The following MAD1L1 variants were observed in gnomAD, a reference collection of about 807,000 sequenced individuals.
MAD1L1 encodes mitotic arrest deficient 1 like 1, also known as mitotic spindle assembly checkpoint protein MAD1.
MAD1L1 carries 95 observed loss-of-function variants against 96.9 expected under a neutral mutation model. The observed-to-expected ratio is 0.98, with a 90% CI of 0.83 to 1.16. The LOEUF (loss-of-function observed/expected upper bound fraction) is 1.16, where lower values mean the gene tolerates loss of function less well. Ranked by LOEUF, MAD1L1 falls within the 50% of genes most tolerant of loss-of-function variation. The probability of loss-of-function intolerance (pLI) is 0.00; values close to 1 mark genes in which losing one functional copy is unlikely to be tolerated. For synonymous variants in MAD1L1, 473 were observed against 396.6 expected (o/e 1.19, Z -2.29); for missense variants, 1,007 against 954.4 (o/e 1.06, Z -0.73).
intron 10 of MAD1L1, among the ~76,000 whole-genome samples, chr7:2,182,742 C>G (rs1046280845): frequency 6.6e-6 from 1 of 152,172 alleles, no homozygotes; most frequent in African/African-American, 2.4e-5. Context: ...TGATACACAA[C>G]GTCCAGAACA....
chr7:2,051,965 T>C (rs559224094), intron 12 of MAD1L1, among the ~76,000 whole-genome samples: 1 of 152,148 alleles, frequency 6.6e-6, no homozygotes, highest in East Asian at 1.9e-4. Flanking sequence ...GCAAGCGTCC[T>C]CTGGGAAGCG....
At chr7:1,946,977 G>T (rs1013167772) in intron 16 of MAD1L1, among the ~76,000 whole-genome samples, 2 of 152,234 alleles carry the variant, frequency 1.3e-5, no homozygotes, top group Admixed American at 6.5e-5. Context: ...GCTGGCGTTG[G>T]CTCCATCTCT....
chr7:2,205,100 T>TTTTTTTTTTC, intron 10 of MAD1L1, among the ~76,000 whole-genome samples: 1 of 145,594 alleles, frequency 6.9e-6, no homozygotes, highest in Non-Finnish European at 1.5e-5. Context: ...TTTTTTTTTT[T>TTTTTTTTTTC]TTTTTTTGCT....
At chr7:1,882,931 C>T (rs1785777928) in intron 18 of MAD1L1, among the ~76,000 whole-genome samples, 1 of 143,518 alleles carries the variant, frequency 7.0e-6, no homozygotes, top group Non-Finnish European at 1.5e-5. Flanking sequence ...CAGGAACCAG[C>T]TCTTTAACAC....
At chr7:2,220,316 AACCCGC>A (rs1793530979) in intron 5 of MAD1L1, among the ~76,000 whole-genome samples, 1 of 152,174 alleles carries the variant, frequency 6.6e-6, no homozygotes, top group African/African-American at 2.4e-5. Flanking sequence ...GACATCATGG[AACCCGC>A]ACGCGACAGA....
intron 15 of MAD1L1, among the ~76,000 whole-genome samples, chr7:1,974,317 C>T (rs1021840810): frequency 5.9e-5 from 9 of 152,224 alleles, no homozygotes; most frequent in African/African-American, 2.2e-4. Context: ...CTGGGACCAC[C>T]AAACGCTTAA....
At chr7:2,077,146 G>A (rs913779621) in intron 11 of MAD1L1, among the ~76,000 whole-genome samples, 73 of 152,146 alleles carry the variant, frequency 4.8e-4, no homozygotes, top group Non-Finnish European at 6.0e-4. Flanking sequence ...CTCGCAGCAC[G>A]GTGAGCCTGC....
chr7:2,012,109 G>A (rs990060000), intron 13 of MAD1L1, among the ~76,000 whole-genome samples: 7 of 152,226 alleles, frequency 4.6e-5, no homozygotes, highest in Admixed American at 2.0e-4. Flanking sequence ...GGCAAGGTCC[G>A]CAACATACAT....
chr7:2,164,685 G>A (rs1735102448), intron 10 of MAD1L1, among the ~76,000 whole-genome samples: 1 of 152,048 alleles, frequency 6.6e-6, no homozygotes, highest in African/African-American at 2.4e-5. Context: ...TATGGTGGTA[G>A]GGCACACCTG....
chr7:2,207,250 GGTCT>G (rs1792647117), intron 10 of MAD1L1, among the ~76,000 whole-genome samples: 1 of 152,056 alleles, frequency 6.6e-6, no homozygotes, highest in African/African-American at 2.4e-5. Context: ...ATATATATTT[GGTCT>G]TTCTGTTCCC....
intron 16 of MAD1L1, among the ~76,000 whole-genome samples, chr7:1,955,437 CCCA>C (rs2128473157): frequency 6.6e-6 from 1 of 152,292 alleles, no homozygotes; most frequent in South Asian, 2.1e-4. Context: ...ACTACAGGTG[CCCA>C]CCACCATGCC....
intron 12 of MAD1L1, among the ~76,000 whole-genome samples, chr7:2,065,958 G>A (rs1054349527): frequency 6.6e-6 from 1 of 152,208 alleles, no homozygotes; most frequent in Non-Finnish European, 1.5e-5. Context: ...CTGGAGAAAC[G>A]GCTCATTTCA....
At chr7:1,910,979 C>T (rs1787979977) in intron 17 of MAD1L1, among the ~76,000 whole-genome samples, 1 of 152,194 alleles carries the variant, frequency 6.6e-6, no homozygotes, top group Non-Finnish European at 1.5e-5. Flanking sequence ...GAGGCCCTGG[C>T]GGGGCCTGGT....
chr7:1,953,187 G>A (rs1316716), intron 16 of MAD1L1, among the ~76,000 whole-genome samples: 42,706 of 152,090 alleles, frequency 0.28, 6,487 homozygotes, highest in Middle Eastern at 0.36. Flanking sequence ...GTGAGGTACC[G>A]CACCACCTGC....
chr7:1,883,996 A>G (rs1256077659), intron 18 of MAD1L1, among the ~76,000 whole-genome samples: 1 of 152,206 alleles, frequency 6.6e-6, no homozygotes, highest in African/African-American at 2.4e-5. Flanking sequence ...CGCGCTGCAC[A>G]GTGCAGAGCC....
At chr7:1,934,481 G>A (rs943767981) in intron 17 of MAD1L1, among the ~76,000 whole-genome samples, 6 of 151,114 alleles carry the variant, frequency 4.0e-5, no homozygotes, top group African/African-American at 9.8e-5. Context: ...ACACACGAGC[G>A]AACCCTAGAC....
chr7:2,193,857 C>T (rs1249855041), intron 10 of MAD1L1, among the ~76,000 whole-genome samples: 1 of 151,914 alleles, frequency 6.6e-6, no homozygotes, highest in Admixed American at 6.6e-5. Context: ...GAAGAAACCA[C>T]CATGATGCTG....
At chr7:1,931,174 G>A (rs1353299841) in intron 17 of MAD1L1, among the ~76,000 whole-genome samples, 2 of 111,086 alleles carry the variant, frequency 1.8e-5, no homozygotes, top group African/African-American at 6.9e-5. Context: ...CACGGTCACA[G>A]GAGCGAGGGC....
chr7:2,135,585 C>A (rs1562719426), intron 11 of MAD1L1, among the ~76,000 whole-genome samples: 1 of 152,174 alleles, frequency 6.6e-6, no homozygotes, highest in African/African-American at 2.4e-5. Flanking sequence ...ATTAAAGGGG[C>A]CTGGACTGAC....
Sources: allele counts gnomAD v4.1 joint callset (sites outside exome capture counted in the v4.1 genomes callset), GRCh38; gene constraint gnomAD v4.1.1; transcripts MANE v1.5; gene names NCBI Gene and HGNC (gene_info 2026-07-23, HGNC 2026-07-21).